The following AGBL4 variants were observed in gnomAD, a reference collection of about 807,000 sequenced individuals.
AGBL4 encodes the protein AGBL carboxypeptidase 4.
AGBL4 carries 58 observed loss-of-function variants against 66.4 expected under a neutral mutation model. That is an observed-to-expected ratio of 0.87 (90% confidence interval 0.71 to 1.09). The LOEUF is 1.09. Among genes scored for constraint, AGBL4 ranks in the 50% least tolerant of loss-of-function variants. The pLI is 0.00. For missense variants in AGBL4, 579 were observed against 631.0 expected, an observed-to-expected ratio of 0.92 and a Z score of 0.88; for synonymous variants, 234 against 222.9, an observed-to-expected ratio of 1.05 and a Z score of -0.44.
intron 3 of AGBL4, among the ~76,000 whole-genome samples, chr1:49,658,460 G>A (rs1379521969): frequency 2.0e-5 from 3 of 152,158 alleles, no homozygotes; most frequent in African/African-American, 7.2e-5. Flanking sequence ...CGATTCCTCA[G>A]GGATCTAGAA....
intron 3 of AGBL4, among the ~76,000 whole-genome samples, chr1:49,376,648 G>C (rs1644477902): frequency 6.6e-6 from 1 of 151,808 alleles, no homozygotes; most frequent in African/African-American, 2.4e-5. Context: ...TTACTTTTTT[G>C]GTATGATATA....
intron 1 of AGBL4, among the ~76,000 whole-genome samples, chr1:49,962,772 T>C (rs528637108): frequency 2.6e-5 from 4 of 152,268 alleles, no homozygotes; most frequent in South Asian, 4.1e-4. Flanking sequence ...ATTACATGAA[T>C]ATTTGTGAGC....
chr1:49,724,096 C>T (rs1470901067), intron 2 of AGBL4, among the ~76,000 whole-genome samples: 2 of 152,070 alleles, frequency 1.3e-5, no homozygotes, highest in Non-Finnish European at 1.5e-5. Context: ...TTTAGTTTTC[C>T]ACTTTTCTTT....
At chr1:49,617,136 GCCT>G (rs1645264033) in intron 3 of AGBL4, among the ~76,000 whole-genome samples, 1 of 152,024 alleles carries the variant, frequency 6.6e-6, no homozygotes, top group Non-Finnish European at 1.5e-5. Context: ...TACCTCTTTA[GCCT>G]CATCTTCCAT....
At chr1:48,758,972 C>T (rs1294238097) in intron 6 of AGBL4, 6 of 1,610,404 alleles carry the variant, frequency 3.7e-6, no homozygotes, top group East Asian at 4.5e-5. Context: ...ATTTCAGACA[C>T]AAGTGCCCCG....
At chr1:49,932,226 A>T (rs904935771) in intron 1 of AGBL4, among the ~76,000 whole-genome samples, 3 of 152,218 alleles carry the variant, frequency 2.0e-5, no homozygotes, top group Non-Finnish European at 4.4e-5. Context: ...GATTTTCAGC[A>T]ATGATGCAAA....
chr1:48,551,763 T>C (rs11205505), intron 11 of AGBL4, among the ~76,000 whole-genome samples: 17,380 of 152,046 alleles, frequency 0.11, 1,127 homozygotes, highest in Middle Eastern at 0.2. Flanking sequence ...TGATCTCTAG[T>C]TCTAATTCTC....
Position 48,774,034 on chromosome 1 carries a change from T to A in AGBL4, c.634+93157A>T, listed in dbSNP as rs1262373173. Among the ~76,000 whole-genome samples, 97 of 152,256 alleles carry A rather than the reference T, an allele frequency of 6.4e-4. 1 individual carries two copies. Among genetic ancestry groups the A allele is most frequent in the Admixed American group, 6.3e-3 (96 of 15,286 alleles). On this transcript the variant is annotated intron_variant, in intron 6 of 13. Transcript: ENST00000371839. ...TTCCTGAGTATAAAAAGAAGTATAC[T>A]TCAAGACAGCTCTGGGCTGGCTTGG...
At chr1:48,651,894 T>G (rs1336858267) in intron 8 of AGBL4, among the ~76,000 whole-genome samples, 1 of 152,210 alleles carries the variant, frequency 6.6e-6, no homozygotes, top group African/African-American at 2.4e-5. Flanking sequence ...CCTTCTCATC[T>G]CTCATATTCA....
At chr1:49,914,292 C>T (rs545202415) in intron 1 of AGBL4, among the ~76,000 whole-genome samples, 4 of 152,292 alleles carry the variant, frequency 2.6e-5, no homozygotes, top group South Asian at 2.1e-4. Context: ...ATATTTCTTC[C>T]ACCAGATATC....
chr1:49,421,616 C>CTAA (rs1455831113), intron 3 of AGBL4, among the ~76,000 whole-genome samples: 1 of 152,042 alleles, frequency 6.6e-6, no homozygotes, highest in Non-Finnish European at 1.5e-5. Flanking sequence ...AAAATAAACA[C>CTAA]TAATAATAAT....
chr1:48,730,206 C>T (rs1024145398), intron 6 of AGBL4, among the ~76,000 whole-genome samples: 1 of 152,142 alleles, frequency 6.6e-6, no homozygotes, highest in Non-Finnish European at 1.5e-5. Context: ...CAGACTGGGA[C>T]ACTCAGGCAT....
intron 1 of AGBL4, among the ~76,000 whole-genome samples, chr1:49,967,767 A>G (rs1657691902): frequency 6.6e-6 from 1 of 152,196 alleles, no homozygotes; most frequent in South Asian, 2.1e-4. Flanking sequence ...TGCTAACTCC[A>G]TAGAGTAAAC....
intron 3 of AGBL4, among the ~76,000 whole-genome samples, chr1:49,673,486 G>C (rs888698857): frequency 6.6e-6 from 1 of 152,110 alleles, no homozygotes; most frequent in African/African-American, 2.4e-5. Flanking sequence ...AAGGACAAAT[G>C]CATGACTGTA....
rs1313328097 is a variant in AGBL4 at position 49,658,180 on chromosome 1, A to G, written c.282+39133T>C. On this transcript the variant is annotated intron_variant, in intron 3 of 13. Transcript: ENST00000371839. The stretch of plus-strand genomic sequence containing the variant: ...TTACAAGAAAAAAACAAACAACCCC[A>G]TCAAAAAGTGGGTGAAGGATATGAA... Among the ~76,000 whole-genome samples the G allele has an allele frequency of 2.6e-5, 4 of 152,308 alleles. No individual in the cohort carries two copies. In the East Asian group the frequency reaches 7.7e-4, roughly 29 times the overall value.
intron 3 of AGBL4, among the ~76,000 whole-genome samples, chr1:49,622,961 A>C (rs1645396192): frequency 6.6e-6 from 1 of 152,022 alleles, no homozygotes; most frequent in African/African-American, 2.4e-5. Context: ...ATTTCTCCCC[A>C]CTCAATTCCT....
chr1:49,580,901 C>T (rs1644529951), intron 3 of AGBL4, among the ~76,000 whole-genome samples: 2 of 152,158 alleles, frequency 1.3e-5, no homozygotes, highest in Admixed American at 1.3e-4. Flanking sequence ...ATCTAGATGT[C>T]TAAATCTCTT....
chr1:49,389,244 T>C (rs570535136), intron 3 of AGBL4, among the ~76,000 whole-genome samples: 5 of 152,102 alleles, frequency 3.3e-5, no homozygotes, highest in Non-Finnish European at 7.4e-5. Flanking sequence ...GCCATCAATT[T>C]TTTTTTTATG....
intron 3 of AGBL4, among the ~76,000 whole-genome samples, chr1:49,689,658 G>A (rs1238186823): frequency 6.6e-6 from 1 of 152,160 alleles, no homozygotes; most frequent in Non-Finnish European, 1.5e-5. Context: ...ACTGCTTTGG[G>A]TAGTGTGGAC....
Sources: gnomAD v4.1 joint callset for allele counts (sites outside exome capture counted in the v4.1 genomes callset) on GRCh38, gnomAD v4.1.1 for gene constraint, MANE v1.5 for transcripts, NCBI Gene and HGNC (gene_info 2026-07-23, HGNC 2026-07-21) for gene names.